Variants in GSDME observed in about 807,000 individuals in gnomAD.
GSDME encodes the protein gasdermin E.
A neutral mutation model predicts 47.5 loss-of-function variants in GSDME; 44 were observed. The ratio of observed to expected loss-of-function variants is 0.93; its 90% confidence interval spans 0.73 to 1.19. The LOEUF (loss-of-function observed/expected upper bound fraction) is 1.19. GSDME is among the 50% of genes most tolerant of loss of function. GSDME has a pLI of 0.00. For synonymous variants in GSDME, 258 were observed against 252.8 expected (o/e 1.02, Z -0.20); for missense variants, 663 against 604.2 (o/e 1.10, Z -1.02).
At chr7:24,762,183 A>G (rs1476243243), upstream of GSDME, among the ~76,000 whole-genome samples, 1 of 148,470 alleles carries the variant, frequency 6.7e-6, no homozygotes, top group Non-Finnish European at 1.5e-5. Flanking sequence ...GAGCCTGGGA[A>G]GTTGAGGGTG....
At chr7:24,699,625 C>CCA (rs1250418863) in intron 9 of GSDME, among the ~76,000 whole-genome samples, 2 of 152,174 alleles carry the variant, frequency 1.3e-5, no homozygotes, top group African/African-American at 4.8e-5. Context: ...CAGACATGAG[C>CCA]CACCACGCCT....
rs1179726103 is a variant in GSDME at position 24,739,639 on chromosome 7, A to G, written c.404+4923T>C. Reference sequence around the variant, plus strand: ...ATTCCAACTGCTGGATATGTACCCAAAAGAAAGGAAATCAGTATACTGAGG... The same window carrying G: ...ATTCCAACTGCTGGATATGTACCCAGAAGAAAGGAAATCAGTATACTGAGG... On this transcript the variant is annotated intron_variant, in intron 3 of 9. Coordinates refer to ENST00000645220, the MANE Select transcript of GSDME (RefSeq NM_001127453.2). This position sits in a 1 kb window ranked among gnomAD's most constrained non-coding sequence, Gnocchi z 5.1. Among the ~76,000 whole-genome samples the G allele has an allele frequency of 6.6e-6, 1 of 152,254 alleles. No homozygotes were observed. Among genetic ancestry groups the G allele is most frequent in the Non-Finnish European group, 1.5e-5 (1 of 68,050 alleles).
chr7:24,717,546 T>C (rs967495732), intron 4 of GSDME, among the ~76,000 whole-genome samples, 172 bp from the exon 5 acceptor site: 2 of 152,164 alleles, frequency 1.3e-5, no homozygotes, highest in African/African-American at 4.8e-5. Context: ...TCAATCCTTG[T>C]TGGCATCAGT....
At chr7:24,715,042 A>G (rs905988411) in intron 5 of GSDME, among the ~76,000 whole-genome samples, 7 of 152,244 alleles carry the variant, frequency 4.6e-5, no homozygotes, top group Non-Finnish European at 8.8e-5. Flanking sequence ...AGAAGAAGGA[A>G]AGTCTCCCAT....
chr7:24,733,741 G>A lies in GSDME; in HGVS notation c.404+10821C>T, dbSNP rs955614920. ...GAAGGGACTTTGTCCTGTGATTTGA[G>A]TGCCAGTTGAGCCACAGTAGAGTAG... On this transcript the variant is annotated intron_variant, in intron 3 of 9. Coordinates refer to ENST00000645220, the MANE Select transcript of GSDME (RefSeq NM_001127453.2). The surrounding 1 kb of genome is among the most constrained non-coding windows in gnomAD (Gnocchi z 4.3). Among the ~76,000 whole-genome samples, 4 of 152,162 alleles carry A rather than the reference G, an allele frequency of 2.6e-5. No homozygotes were observed. The highest frequency in any genetic ancestry group is 5.9e-5 in the Non-Finnish European group (4 of 68,024).
rs1789901660 is a variant in GSDME, at chr7:24,724,487, GC to G, written c.405-5270del. ...CTCCTTGTTCTTCCTGGCGGGGGCG[GC>G]AACGTGAAAGCAAGAACAGGAGGCC... is the stretch of plus-strand genomic sequence containing the variant. On this transcript the variant is annotated intron_variant, in intron 3 of 9. Coordinates refer to ENST00000645220, the MANE Select transcript of GSDME (RefSeq NM_001127453.2). This position sits in a 1 kb window ranked among gnomAD's most constrained non-coding sequence, Gnocchi z 4.8. Among the ~76,000 whole-genome samples the G allele has an allele frequency of 6.6e-6, 1 of 152,162 alleles. No homozygotes were observed. Among genetic ancestry groups the G allele is most frequent in the South Asian group, 2.1e-4 (1 of 4,814 alleles).
chr7:24,702,943 G>C, intron 8 of GSDME, 110 bp from the exon 9 acceptor site: 1 of 858,828 alleles, frequency 1.2e-6, no homozygotes, highest in East Asian at 2.8e-5. Context: ...CGCCAGCCAG[G>C]CAGGGGAGGT....
At chr7:24,727,303 TAC>T (rs1790000581) in intron 3 of GSDME, among the ~76,000 whole-genome samples, 1 of 152,194 alleles carries the variant, frequency 6.6e-6, no homozygotes, top group South Asian at 2.1e-4. Flanking sequence ...GCTTTTCCAC[TAC>T]ACTCTTCTAA....
At chr7:24,704,778 T>C (rs948968427) in intron 8 of GSDME, 1 of 152,122 alleles carries the variant, frequency 6.6e-6, no homozygotes, top group Non-Finnish European at 1.5e-5. Context: ...ACTGCATCCT[T>C]GAATTCCTGG....
rs147090379 is a variant in GSDME, at chr7:24,735,760, AAAATAAATAAATAAATAAATAAAT to A, written c.404+8778_404+8801del. Among the ~76,000 whole-genome samples the A allele has an allele frequency of 6.3e-5, 9 of 143,022 alleles. No individual in the cohort carries two copies. The East Asian group carries it at 1.0e-3, about 16-fold the overall frequency. 93.8% of individuals were successfully genotyped at this position (143,022 alleles called of 152,430 possible). A position where few individuals can be genotyped will look rare whatever the true frequency, so the allele number is the denominator to read the frequency against. Reference sequence around the variant, plus strand: ...GTGACAACAGCAAAACTCTATCTCAAAAATAAATAAATAAATAAATAAATAAATAAATAAATAAATAAATAAAAC... The same window carrying A: ...GTGACAACAGCAAAACTCTATCTCAAAAATAAATAAATAAATAAATAAAAC... On this transcript the variant is annotated intron_variant, in intron 3 of 9. Transcript: ENST00000645220. The surrounding 1 kb of genome is among the most constrained non-coding windows in gnomAD (Gnocchi z 4.4).
the GSDME span, among the ~76,000 whole-genome samples, chr7:24,776,658 A>C: frequency 1.3e-5 from 2 of 152,238 alleles, no homozygotes; most frequent in African/African-American, 4.8e-5. Flanking sequence ...AACTTCCTGC[A>C]GCAGGTATAA....
chr7:24,717,132 A>T (rs1382649653), intron 5 of GSDME, 122 bp downstream of exon 5: 2 of 1,143,204 alleles, frequency 1.7e-6, no homozygotes, highest in Non-Finnish European at 2.6e-6. Context: ...CGCTCTTCAG[A>T]CCTCTTTCCC....
chr7:24,708,778 C>G (rs1198849224), intron 6 of GSDME, among the ~76,000 whole-genome samples: 2 of 152,226 alleles, frequency 1.3e-5, no homozygotes, highest in African/African-American at 2.4e-5. Context: ...CACAGCTATT[C>G]TTTCTCTATC....
chr7:24,765,573 CT>C, the GSDME span, among the ~76,000 whole-genome samples: 1 of 152,208 alleles, frequency 6.6e-6, no homozygotes. Flanking sequence ...CGTCACTCCC[CT>C]TTTCTGTACG....
In GSDME at chr7:24,710,263, T is replaced by C. The variant is rs149956122; in HGVS notation, c.823A>G (p.Ile275Val). Residue 275 changes from isoleucine (I) to valine (V), a missense_variant, in exon 6 of 10, where the codon ATA becomes GTA. By Grantham distance (29) the Ile-to-Val change is conservative. Transcript: ENST00000645220. ...FIDMPDAAHG[I>V]SSQDGPLSVL... ...CTTAATGGTCCATCCTGGGAAGATA[T>C]CCCATGCGCAGCATCTGGCATGTCT... 1.9e-4 allele frequency: 305 copies of C among 1,614,164 alleles called. No homozygotes were observed. The African/African-American group carries it at 3.6e-3, about 19-fold the overall frequency.
chr7:24,703,207 G>A (rs796240034), intron 8 of GSDME: 5 of 344,650 alleles, frequency 1.5e-5, no homozygotes, highest in Middle Eastern at 1.0e-3. Flanking sequence ...TGCAGCCTCA[G>A]GTACACCTCT....
the GSDME span, among the ~76,000 whole-genome samples, chr7:24,779,384 C>G: frequency 6.6e-6 from 1 of 152,036 alleles, no homozygotes; most frequent in African/African-American, 2.4e-5. The surrounding 1 kb of genome is among the most constrained non-coding windows in gnomAD (Gnocchi z 6.0). Flanking sequence ...GGGTGGGTTC[C>G]TGAATAATCC....
the GSDME span, among the ~76,000 whole-genome samples, chr7:24,773,519 T>C: frequency 2.6e-5 from 4 of 152,218 alleles, no homozygotes; most frequent in Non-Finnish European, 5.9e-5. The surrounding 1 kb of genome is among the most constrained non-coding windows in gnomAD (Gnocchi z 5.4). Flanking sequence ...TGATATCAGT[T>C]CTTATTTTTG....
intron 3 of GSDME, among the ~76,000 whole-genome samples, chr7:24,730,971 T>G (rs533119162): frequency 6.6e-6 from 1 of 152,166 alleles, no homozygotes; most frequent in African/African-American, 2.4e-5. Context: ...GCAACAGAAG[T>G]CAGACAAGCT....
Sources: gnomAD v4.1 joint callset for allele counts (sites outside exome capture counted in the v4.1 genomes callset) on GRCh38, gnomAD v4.1.1 for gene constraint, Gnocchi (gnomAD v3.1) non-coding constraint, MANE v1.5 for transcripts, NCBI Gene and HGNC (gene_info 2026-07-23, HGNC 2026-07-21) for gene names.